Variants in ZNF710 observed in about 807,000 individuals in gnomAD.
ZNF710 encodes zinc finger protein 710.
In ZNF710, 13 loss-of-function variants were observed where a neutral mutation model predicts 50.6. The observed-to-expected ratio is 0.26, with a 90% CI of 0.17 to 0.41. ZNF710 has a LOEUF of 0.41. ZNF710 is among the 10% of genes least tolerant of loss of function. The probability of loss-of-function intolerance (pLI) is 1.00; values close to 1 mark genes in which losing one functional copy is unlikely to be tolerated. For missense variants in ZNF710, 721 were observed against 936.6 expected, an observed-to-expected ratio of 0.77 and a Z score of 3.01; for synonymous variants, 383 against 397.0, an observed-to-expected ratio of 0.96 and a Z score of 0.42.
At chr15:90,023,848 A>C (rs1317510901) in intron 1 of ZNF710, among the ~76,000 whole-genome samples, 4 of 152,108 alleles carry the variant, frequency 2.6e-5, no homozygotes, top group Non-Finnish European at 5.9e-5. Flanking sequence ...AATACAAAAA[A>C]ATTAGCTGGA....
At chr15:90,042,055 G>A (rs1408523506) in intron 1 of ZNF710, among the ~76,000 whole-genome samples, 2 of 151,934 alleles carry the variant, frequency 1.3e-5, no homozygotes, top group African/African-American at 4.8e-5. Context: ...CCACTACCAC[G>A]TCTGGCTTAT....
chr15:90,019,136 A>G (rs564226864), intron 1 of ZNF710, among the ~76,000 whole-genome samples: 6 of 146,964 alleles, frequency 4.1e-5, no homozygotes, highest in Middle Eastern at 3.7e-3. Context: ...ATATTTTTCA[A>G]TTTCAAAAGA....
chr15:90,058,436 T>C (rs914610707), intron 1 of ZNF710, among the ~76,000 whole-genome samples: 2 of 152,156 alleles, frequency 1.3e-5, no homozygotes, highest in African/African-American at 4.8e-5. Flanking sequence ...AAAGCCTTGG[T>C]AGAACTCTCA....
chr15:90,024,576 G>A (rs1012516255), intron 1 of ZNF710, among the ~76,000 whole-genome samples: 8 of 152,266 alleles, frequency 5.3e-5, no homozygotes, highest in African/African-American at 1.2e-4. Flanking sequence ...CTGCAAGGCC[G>A]TGGCGCCTGG....
At chr15:90,042,217 C>G (rs998222556) in intron 1 of ZNF710, among the ~76,000 whole-genome samples, 3 of 152,014 alleles carry the variant, frequency 2.0e-5, no homozygotes, top group African/African-American at 7.2e-5. Context: ...TTTGTATTTT[C>G]CATGCCCCCC....
chr15:90,028,271 C>T (rs1198467290), intron 1 of ZNF710, among the ~76,000 whole-genome samples: 3 of 152,170 alleles, frequency 2.0e-5, no homozygotes, highest in East Asian at 1.9e-4. Flanking sequence ...AAGAAAGTTA[C>T]AGAGCACACA....
chr15:90,033,398 T>G (rs1899004869), intron 1 of ZNF710, among the ~76,000 whole-genome samples: 1 of 152,106 alleles, frequency 6.6e-6, no homozygotes, highest in Admixed American at 6.6e-5. Context: ...GCTTAGGAAG[T>G]GGAAAGCAGG....
At position 90,079,336 on chromosome 15, in the gene ZNF710, G is replaced by C. The variant is rs964499955; in HGVS notation, c.1826-324G>C. On this transcript the variant is annotated intron_variant, in intron 4 of 4. Transcript: ENST00000268154. ...GAGAAACATTGCAGAGAAGGGATAA[G>C]TAGGGCTTAGTGACTTTGACGGGTC... is the stretch of plus-strand genomic sequence containing the variant. 4.6e-5 allele frequency among the ~76,000 whole-genome samples: 7 copies of C among 152,224 alleles called. No individual in the cohort carries two copies. In the East Asian group the frequency reaches 1.2e-3, roughly 25 times the overall value.
intron 1 of ZNF710, among the ~76,000 whole-genome samples, chr15:90,001,824 C>T (rs539875832): frequency 1.4e-5 from 2 of 138,118 alleles, no homozygotes; most frequent in Admixed American, 1.4e-4. Flanking sequence ...TTCCCTCATG[C>T]CGGAGAGCTG....
At position 90,034,287 on chromosome 15, in the gene ZNF710, T is replaced by C. The variant is rs1899042577; in HGVS notation, c.-29+32673T>C. On this transcript the variant is annotated intron_variant, in intron 1 of 4. Coordinates refer to ENST00000268154, the MANE Select transcript of ZNF710 (RefSeq NM_198526.4). This position sits in a 1 kb window ranked among gnomAD's most constrained non-coding sequence, Gnocchi z 4.0. ...TCTTCTGCCAGATAGAAACAAGATATCACATGCAAGAGGCTCTACACATGG... is the reference window on the plus strand; with the variant it reads ...TCTTCTGCCAGATAGAAACAAGATACCACATGCAAGAGGCTCTACACATGG... 6.6e-6 allele frequency among the ~76,000 whole-genome samples: 1 copy of C among 151,634 alleles called. No individual in the cohort carries two copies. The highest frequency in any genetic ancestry group is 6.6e-5 in the Admixed American group (1 of 15,244).
intron 1 of ZNF710, among the ~76,000 whole-genome samples, chr15:90,037,326 C>T (rs1899158683): frequency 6.6e-6 from 1 of 152,176 alleles, no homozygotes; most frequent in South Asian, 2.1e-4. Flanking sequence ...TTTGCCCTCC[C>T]AGGGCCACTG....
intron 1 of ZNF710, among the ~76,000 whole-genome samples, chr15:90,020,831 C>T (rs748308104): frequency 2.0e-5 from 3 of 152,256 alleles, no homozygotes; most frequent in African/African-American, 7.2e-5. Context: ...CGCCTCCCCG[C>T]AACTTGTGAC....
chr15:90,066,474 A>ATTTTTTTT (rs71461840), intron 1 of ZNF710, among the ~76,000 whole-genome samples: 3 of 120,522 alleles, frequency 2.5e-5, no homozygotes, highest in Non-Finnish European at 3.4e-5. Context: ...ATTTTTAAGG[A>ATTTTTTTT]TTTTTTTTTT....
chr15:90,046,508 G>T (rs1899465779), intron 1 of ZNF710, among the ~76,000 whole-genome samples: 1 of 152,162 alleles, frequency 6.6e-6, no homozygotes, highest in African/African-American at 2.4e-5. Context: ...GGACGAGTCA[G>T]TGCCAGGTAT....
At chr15:90,017,343 C>G (rs1038869305) in intron 1 of ZNF710, among the ~76,000 whole-genome samples, 2 of 152,126 alleles carry the variant, frequency 1.3e-5, no homozygotes, top group African/African-American at 4.8e-5. Context: ...GTATGGAGAA[C>G]AAAGCTGAAA....
At chr15:90,053,689 T>A (rs186485775) in intron 1 of ZNF710, among the ~76,000 whole-genome samples, 1 of 152,274 alleles carries the variant, frequency 6.6e-6, no homozygotes, top group Non-Finnish European at 1.5e-5. Context: ...TGCACTGGCT[T>A]ACCCCCTGCT....
At chr15:90,026,025 G>A (rs975835182) in intron 1 of ZNF710, 3 of 151,626 alleles carry the variant, frequency 2.0e-5, no homozygotes, top group African/African-American at 7.3e-5. Flanking sequence ...TAAGCATTCA[G>A]CCTGAGTGCT....
upstream of ZNF710, among the ~76,000 whole-genome samples, chr15:89,998,393 T>C (rs1002377730): frequency 9.9e-5 from 15 of 152,234 alleles, no homozygotes; most frequent in African/African-American, 3.1e-4. Flanking sequence ...ACTCTGCTGA[T>C]CAGGCTGGGC....
Position 90,067,781 on chromosome 15 carries a change from A to T in ZNF710, c.644A>T (p.Glu215Val), listed in dbSNP as rs1239065777. 1.3e-6 allele frequency: 2 copies of T among 1,584,242 alleles called. No individual in the cohort carries two copies. ...CCTGGGCCAGAGGCCTTGCCCACAGAGTGTGGGTTCGAGCCACCCCACCTG... is the reference window on the plus strand; with the variant it reads ...CCTGGGCCAGAGGCCTTGCCCACAGTGTGTGGGTTCGAGCCACCCCACCTG... ...ALPGPEALPT[E>V]CGFEPPHLAP... Residue 215 changes from glutamate to valine, a missense_variant, in exon 2 of 5, where the codon GAG becomes GTG. Coordinates refer to ENST00000268154, the MANE Select transcript of ZNF710 (RefSeq NM_198526.4). The surrounding 1 kb of genome is among the most constrained non-coding windows in gnomAD (Gnocchi z 8.1).
Sources: allele counts gnomAD v4.1 joint callset (sites outside exome capture counted in the v4.1 genomes callset), GRCh38; gene constraint gnomAD v4.1.1; non-coding constraint Gnocchi (gnomAD v3.1); transcripts MANE v1.5; gene names NCBI Gene and HGNC (gene_info 2026-07-23, HGNC 2026-07-21).